SRGAP3: variants seen among roughly 807,000 people sequenced by gnomAD.
SRGAP3 encodes the protein SLIT-ROBO Rho GTPase activating protein 3.
Under a neutral mutation model 121.1 loss-of-function variants are expected in SRGAP3, and 39 were observed. The observed-to-expected ratio is 0.32, with a 90% CI of 0.25 to 0.42. The LOEUF (loss-of-function observed/expected upper bound fraction) is 0.42. Ranked by LOEUF, SRGAP3 falls within the 10% of genes least tolerant of loss-of-function variation. SRGAP3 has a pLI of 1.00. For synonymous variants in SRGAP3, 601 were observed against 570.0 expected, an observed-to-expected ratio of 1.05 and a Z score of -0.77; for missense variants, 1,213 against 1,470.6, an observed-to-expected ratio of 0.82 and a Z score of 2.86.
intron 1 of SRGAP3, among the ~76,000 whole-genome samples, chr3:9,211,763 C>T (rs557128335): frequency 1.4e-4 from 21 of 151,104 alleles, no homozygotes; most frequent in African/African-American, 4.6e-4. Flanking sequence ...ACAGCCTCAA[C>T]CTCCTGGGCT....
chr3:9,220,394 T>G (rs568747823), intron 1 of SRGAP3, among the ~76,000 whole-genome samples: 1 of 152,298 alleles, frequency 6.6e-6, no homozygotes, highest in East Asian at 1.9e-4. Flanking sequence ...TCCACTCACC[T>G]CCAGGAGAGG....
chr3:9,315,011 T>C (rs776849340), intron 3 of SRGAP3, among the ~76,000 whole-genome samples: 1 of 152,212 alleles, frequency 6.6e-6, no homozygotes, highest in African/African-American at 2.4e-5. Flanking sequence ...GAAACCCAAC[T>C]AAACTGGCAT....
At chr3:9,202,508 G>A (rs186206996) in intron 1 of SRGAP3, among the ~76,000 whole-genome samples, 21 of 152,328 alleles carry the variant, frequency 1.4e-4, no homozygotes, top group African/African-American at 5.0e-4. Flanking sequence ...TCACTAGCCT[G>A]CCCTGCTCCA....
intron 2 of SRGAP3, among the ~76,000 whole-genome samples, chr3:9,108,279 AT>A (rs890419487): frequency 2.6e-5 from 4 of 152,128 alleles, no homozygotes; most frequent in African/African-American, 9.7e-5. Context: ...TGGTACTCAT[AT>A]TTTTATACTC....
intron 18 of SRGAP3, among the ~76,000 whole-genome samples, chr3:9,006,209 G>A (rs1943062714): frequency 6.6e-6 from 1 of 152,000 alleles, no homozygotes; most frequent in Non-Finnish European, 1.5e-5. Context: ...GACCTGCCTG[G>A]CCAACATGGT....
At chr3:9,339,038 G>C (rs73811472) in intron 1 of SRGAP3, among the ~76,000 whole-genome samples, 2,680 of 152,264 alleles carry the variant, frequency 0.018, 92 homozygotes, top group African/African-American at 0.06. Flanking sequence ...AAGAGTCTTC[G>C]TGTACTTAGC....
upstream of SRGAP3, among the ~76,000 whole-genome samples, chr3:9,249,988 AGG>A (rs1454221780): frequency 6.6e-6 from 1 of 152,218 alleles, no homozygotes; most frequent in Non-Finnish European, 1.5e-5. Context: ...AGTCTAGCAG[AGG>A]GCCTGACCCA....
chr3:9,072,118 A>T (rs1560075489), intron 4 of SRGAP3, among the ~76,000 whole-genome samples: 2 of 152,106 alleles, frequency 1.3e-5, no homozygotes, highest in Non-Finnish European at 1.5e-5. Flanking sequence ...ATCAGTCCTG[A>T]TCCCAACCGG....
rs150997204 is a variant in SRGAP3 at position 9,246,108 on chromosome 3, A to T, written c.67+2777T>A. 1.4e-3 allele frequency among the ~76,000 whole-genome samples: 210 copies of T among 152,346 alleles called. 1 individual carries two copies. The highest frequency in any genetic ancestry group is 2.7e-3 in the Admixed American group (41 of 15,310). ...GAGAAGGCATGAATCCTTCTATTTT[A>T]CAATAGAAAAAATACTGTTCTAAAA... On this transcript the variant is annotated intron_variant, in intron 1 of 21. Coordinates refer to ENST00000383836, the MANE Select transcript of SRGAP3 (RefSeq NM_014850.4).
At chr3:9,322,693 C>A (rs751835413) in intron 3 of SRGAP3, among the ~76,000 whole-genome samples, 1 of 151,678 alleles carries the variant, frequency 6.6e-6, no homozygotes, top group Non-Finnish European at 1.5e-5. Flanking sequence ...CTGAGACCAT[C>A]CCCCCATCAC....
intron 3 of SRGAP3, among the ~76,000 whole-genome samples, chr3:9,257,675 T>C (rs2125254423): frequency 6.8e-6 from 1 of 146,224 alleles, no homozygotes; most frequent in South Asian, 2.3e-4. Flanking sequence ...ATTCATTTAC[T>C]CACTCATTAA....
chr3:9,319,772 G>A (rs756035036), intron 3 of SRGAP3, among the ~76,000 whole-genome samples: 2 of 151,852 alleles, frequency 1.3e-5, no homozygotes, highest in Admixed American at 1.3e-4. Flanking sequence ...ACTAGAAAGG[G>A]TGTGTTTGCC....
rs1251096241 is a variant in SRGAP3, at chr3:9,013,825, C to T, written c.1831G>A (p.Glu611Lys). 1.9e-6 allele frequency: 3 copies of T among 1,614,160 alleles called. No homozygotes were observed. Among genetic ancestry groups the T allele is most frequent in the Middle Eastern group, 1.6e-4 (1 of 6,062 alleles). The change falls in exon 16 of 22, where the codon GAG becomes AAG. Residue 611 changes from glutamate to lysine, a missense_variant. Coordinates refer to ENST00000383836, the MANE Select transcript of SRGAP3 (RefSeq NM_014850.4). ...ISTIKLENPAERVHQIQQILV... is the reference protein window; with the variant it reads ...ISTIKLENPAKRVHQIQQILV... ...ATTTGTTGGATCTGGTGCACCCTCT[C>T]GGCTGGGTTCTCCAGTTCTGTAACA...
In SRGAP3 at chr3:9,136,401, C is replaced by A. The variant is rs866483086; in HGVS notation, c.68-11484G>T. ...ACGGCAACCGTCGCTGGGACCCCCC[C>A]CCCCCCCGACCGCCCCGCCCCGCCC... On this transcript the variant is annotated intron_variant, in intron 1 of 21. Transcript: ENST00000383836. Among the ~76,000 whole-genome samples the A allele has an allele frequency of 2.8e-3, 358 of 127,618 alleles. 7 individuals are homozygous for A. The highest frequency in any genetic ancestry group is 9.7e-3 in the African/African-American group (327 of 33,814). The allele number at this position is 127,618 out of a possible 152,430, so 83.7% of individuals were successfully genotyped here.
At position 8,981,015 on chromosome 3, in the gene SRGAP3, G is replaced by A. The variant is rs1468681697; in HGVS notation, c.*4504C>T. 4.3e-6 allele frequency: 1 copy of A among 233,126 alleles called. No homozygotes were observed. The highest frequency in any genetic ancestry group is 8.5e-6 in the Non-Finnish European group (1 of 117,838). The allele number at this position is 233,126 out of a possible 1,614,324, so 14.4% of individuals were successfully genotyped here. A position where few individuals can be genotyped will look rare whatever the true frequency, so the allele number is the denominator to read the frequency against. On this transcript the variant is annotated 3_prime_UTR_variant, in exon 22 of 22. Coordinates refer to ENST00000383836, the MANE Select transcript of SRGAP3 (RefSeq NM_014850.4). Reference sequence around the variant, plus strand: ...TGGTTCAAGGAACAGCTTTGTTATTGGCCGGGGACAACTCACACAGAAAGG... The same window carrying A: ...TGGTTCAAGGAACAGCTTTGTTATTAGCCGGGGACAACTCACACAGAAAGG...
intron 4 of SRGAP3, among the ~76,000 whole-genome samples, chr3:9,066,647 C>G (rs974981534): frequency 6.6e-6 from 1 of 152,086 alleles, no homozygotes; most frequent in Admixed American, 6.6e-5. Flanking sequence ...TTACAGGCAC[C>G]CGCCACAATG....
chr3:9,282,443 C>T (rs1954695974), intron 3 of SRGAP3, among the ~76,000 whole-genome samples: 1 of 152,132 alleles, frequency 6.6e-6, no homozygotes, highest in Non-Finnish European at 1.5e-5. Flanking sequence ...GCTTTATTCT[C>T]ATTTCTGCTT....
chr3:9,058,807 C>G (rs1269567179), intron 6 of SRGAP3: 1 of 298,638 alleles, frequency 3.3e-6, no homozygotes, highest in Non-Finnish European at 6.4e-6. Context: ...GCTACCTCCG[C>G]CTCCCGGGTT....
intron 1 of SRGAP3, among the ~76,000 whole-genome samples, chr3:9,173,311 G>A (rs1293065114): frequency 3.3e-5 from 5 of 152,220 alleles, no homozygotes; most frequent in Non-Finnish European, 5.9e-5. Flanking sequence ...GGCTGTGCCT[G>A]ACTCTGGCAG....
Sources: allele counts gnomAD v4.1 joint callset (sites outside exome capture counted in the v4.1 genomes callset), GRCh38; gene constraint gnomAD v4.1.1; transcripts MANE v1.5; gene names NCBI Gene and HGNC (gene_info 2026-07-23, HGNC 2026-07-21).